JPH1: variants seen among roughly 807,000 people sequenced by gnomAD.
The protein encoded by JPH1 is junctophilin-1.
JPH1 carries 12 observed loss-of-function variants against 53.6 expected under a neutral mutation model. That is an observed-to-expected ratio of 0.22 (90% confidence interval 0.14 to 0.36). JPH1 has a LOEUF of 0.36. Ranked by LOEUF, JPH1 falls within the 10% of genes least tolerant of loss-of-function variation. JPH1 has a pLI of 1.00. For synonymous variants in JPH1, 375 were observed against 363.8 expected (o/e 1.03, Z -0.35); for missense variants, 808 against 905.5 (o/e 0.89, Z 1.38).
rs1807011261 is a variant in JPH1, at chr8:74,236,721, G to A, written c.*330C>T. On this transcript the variant is annotated 3_prime_UTR_variant, in exon 6 of 6. Coordinates refer to ENST00000342232, the MANE Select transcript of JPH1 (RefSeq NM_020647.4). ...TTAGTCACACTCTGCTAGGACAGAT[G>A]GAGTAGCCAATGCCAAGAACTTCGC... 6.6e-6 allele frequency: 1 copy of A among 152,290 alleles called. No homozygotes were observed. Among genetic ancestry groups the A allele is most frequent in the Non-Finnish European group, 1.5e-5 (1 of 68,300 alleles). 9.4% of individuals were successfully genotyped at this position (152,290 alleles called of 1,614,324 possible). A position where few individuals can be genotyped will look rare whatever the true frequency, so the allele number is the denominator to read the frequency against.
intron 2 of JPH1, among the ~76,000 whole-genome samples, chr8:74,293,273 C>G (rs1255161308): frequency 6.6e-6 from 1 of 152,124 alleles, no homozygotes; most frequent in Middle Eastern, 3.2e-3. Flanking sequence ...TGGATAGGCC[C>G]AGTGTGGCAG....
At position 74,315,427 on chromosome 8, in the gene JPH1, G is replaced by A. The variant is rs368273611; in HGVS notation, c.573C>T (p.Gly191=). The change falls in exon 2 of 6, where the codon GGC becomes GGT. Residue 191 remains glycine, a synonymous_variant. Coordinates refer to ENST00000342232, the MANE Select transcript of JPH1 (RefSeq NM_020647.4). The surrounding 1 kb of genome is among the most constrained non-coding windows in gnomAD (Gnocchi z 6.3). ...AAADSPAGTR[G]GFVLNFHADA... ...CTGCGTGGAAGTTGAGCACGAAACC[G>A]CCGCGGGTGCCGGCCGGGCTGTCGG... 4 of 1,611,626 alleles carry A rather than the reference G, an allele frequency of 2.5e-6. No homozygotes were observed. The highest frequency in any genetic ancestry group is 1.3e-5 in the African/African-American group (1 of 74,892).
intron 3 of JPH1, among the ~76,000 whole-genome samples, chr8:74,257,998 A>C (rs1806287343): frequency 6.6e-6 from 1 of 152,052 alleles, no homozygotes; most frequent in South Asian, 2.1e-4. Context: ...GTCATTTCTC[A>C]TTGCTCCATC....
In JPH1 at chr8:74,273,144, C is replaced by T. The variant is rs1586750371; in HGVS notation, c.1140-13641G>A. Reference sequence around the variant, plus strand: ...ATCAATTTAACCACATCATTTGTAACTACCAACTTAAATGTTATAAGGTGA... The same window carrying T: ...ATCAATTTAACCACATCATTTGTAATTACCAACTTAAATGTTATAAGGTGA... On this transcript the variant is annotated intron_variant, in intron 2 of 5. Coordinates refer to ENST00000342232, the MANE Select transcript of JPH1 (RefSeq NM_020647.4). 2.0e-5 allele frequency among the ~76,000 whole-genome samples: 3 copies of T among 152,168 alleles called. No individual in the cohort carries two copies. In the East Asian group the frequency reaches 5.8e-4, roughly 29 times the overall value.
chr8:74,289,659 G>T (rs775925114), intron 2 of JPH1, among the ~76,000 whole-genome samples: 1 of 152,106 alleles, frequency 6.6e-6, no homozygotes, highest in Non-Finnish European at 1.5e-5. Context: ...TGATGCTGCC[G>T]CATGGATAAG....
chr8:74,292,156 C>A (rs184343618), intron 2 of JPH1, among the ~76,000 whole-genome samples: 335 of 152,236 alleles, frequency 2.2e-3, no homozygotes, highest in Non-Finnish European at 3.1e-3. Context: ...CACATGTACC[C>A]TAGAACTTAA....
chr8:74,244,565 G>T lies in JPH1; in HGVS notation c.1869C>A (p.Asn623Lys), dbSNP rs376515924. The change falls in exon 4 of 6, where the codon AAC becomes AAA. Residue 623 changes from asparagine (N) to lysine (K), a missense_variant. Around this residue, in one of 2 missense-constraint regions of JPH1, gnomAD observed 756 missense variants for 811.9 expected, o/e 0.93. Transcript: ENST00000342232. ...ELAIPKNPAS[N>K]DSCPALEKEA... The stretch of plus-strand genomic sequence containing the variant: ...CTTTTTCCAAAGCAGGGCATGAATC[G>T]TTGCTTGCTGGATTCTTTGGTATAG... 24 of 1,612,472 alleles carry T rather than the reference G, an allele frequency of 1.5e-5. No homozygotes were observed. The highest frequency in any genetic ancestry group is 2.0e-5 in the Non-Finnish European group (24 of 1,179,442).
chr8:74,290,242 A>G (rs1303970163), intron 2 of JPH1, among the ~76,000 whole-genome samples: 21 of 152,164 alleles, frequency 1.4e-4, no homozygotes, highest in Admixed American at 1.4e-3. Flanking sequence ...AAACCCCATC[A>G]TCTCAGCCCA....
At chr8:74,238,605 C>T (rs1805609924) in intron 4 of JPH1, among the ~76,000 whole-genome samples, 1 of 152,200 alleles carries the variant, frequency 6.6e-6, no homozygotes, top group Admixed American at 6.5e-5. Context: ...ATTCAGGCAA[C>T]CAATATTTAA....
At chr8:74,292,699 TTTAATG>T (rs139443124) in intron 2 of JPH1, among the ~76,000 whole-genome samples, 1,551 of 152,320 alleles carry the variant, frequency 0.01, 9 homozygotes, top group Non-Finnish European at 0.016. Context: ...CCTACCTAAC[TTTAATG>T]TTATTTTCTC....
intron 2 of JPH1, among the ~76,000 whole-genome samples, chr8:74,312,551 T>G (rs1426977220): frequency 6.6e-6 from 1 of 152,222 alleles, no homozygotes; most frequent in Non-Finnish European, 1.5e-5. Context: ...CACCTGACCT[T>G]GACAAATTCT....
intron 2 of JPH1, among the ~76,000 whole-genome samples, chr8:74,297,837 GACTACTCTTATT>G (rs1267293602): frequency 2.0e-5 from 3 of 152,194 alleles, no homozygotes; most frequent in Non-Finnish European, 4.4e-5. Context: ...ATAGTGTGAT[GACTACTCTTATT>G]ACCCCTTAAA....
intron 2 of JPH1, among the ~76,000 whole-genome samples, chr8:74,260,153 G>A (rs1806349683): frequency 6.6e-6 from 1 of 152,210 alleles, no homozygotes; most frequent in Non-Finnish European, 1.5e-5. Context: ...AAGGGTTCCT[G>A]AGGAGCCCAT....
chr8:74,318,122 C>G (rs2131469254), intron 1 of JPH1, among the ~76,000 whole-genome samples: 1 of 152,232 alleles, frequency 6.6e-6, no homozygotes, highest in East Asian at 1.9e-4. Context: ...AAGAAAGGGC[C>G]TATTTCTTTA....
At chr8:74,276,873 C>T (rs907420192) in intron 2 of JPH1, among the ~76,000 whole-genome samples, 3 of 152,190 alleles carry the variant, frequency 2.0e-5, no homozygotes, top group Admixed American at 6.5e-5. Flanking sequence ...TCAATATATA[C>T]AGTTCTCCTT....
At chr8:74,298,506 G>A (rs772805736) in intron 2 of JPH1, among the ~76,000 whole-genome samples, 4 of 152,104 alleles carry the variant, frequency 2.6e-5, no homozygotes, top group Non-Finnish European at 2.9e-5. Context: ...TAACTTCCTC[G>A]GCACTCTGAA....
intron 2 of JPH1, among the ~76,000 whole-genome samples, chr8:74,302,974 A>C (rs955855899): frequency 6.9e-6 from 1 of 144,088 alleles, no homozygotes; most frequent in Non-Finnish European, 1.5e-5. Flanking sequence ...AAAAAAAAAA[A>C]AACAGTCCAA....
intron 2 of JPH1, among the ~76,000 whole-genome samples, chr8:74,272,319 T>C (rs368317953): frequency 1.3e-5 from 2 of 152,298 alleles, no homozygotes; most frequent in African/African-American, 4.8e-5. Flanking sequence ...TAGTTCTAAA[T>C]ATCATGTTCA....
intron 2 of JPH1, among the ~76,000 whole-genome samples, chr8:74,280,587 G>T (rs1806984130): frequency 6.6e-6 from 1 of 152,180 alleles, no homozygotes; most frequent in Non-Finnish European, 1.5e-5. Context: ...ACAGAGAAAA[G>T]TGGATAACAG....
Sources: allele counts gnomAD v4.1 joint callset (sites outside exome capture counted in the v4.1 genomes callset), GRCh38; gene constraint gnomAD v4.1.1; regional missense constraint gnomAD v4.1.1; non-coding constraint Gnocchi (gnomAD v3.1); transcripts MANE v1.5; gene names NCBI Gene and HGNC (gene_info 2026-07-23, HGNC 2026-07-21).